Variants in NPR2 observed in about 807,000 individuals in gnomAD.
The protein encoded by NPR2 is atrial natriuretic peptide receptor 2.
NPR2 carries 49 observed loss-of-function variants against 120.7 expected under a neutral mutation model. The observed-to-expected ratio is 0.41, with a 90% CI of 0.32 to 0.52. The LOEUF is 0.52. Ranked by LOEUF, NPR2 falls within the 20% of genes least tolerant of loss-of-function variation. The pLI, the probability that NPR2 is intolerant of heterozygous loss-of-function variation, is 0.36. For missense variants in NPR2, 931 were observed against 1,362.9 expected, an observed-to-expected ratio of 0.68 and a Z score of 4.99; for synonymous variants, 484 against 519.8, an observed-to-expected ratio of 0.93 and a Z score of 0.94.
chr9:35,792,991 A>G lies in NPR2; in HGVS notation c.583A>G (p.Asn195Asp). Reference sequence around the variant, plus strand: ...CGTCTTTGAGGCCCTGCAGGGCAGCAACCTCAGTGTGCAGCACCAGGTGTA... The same window carrying G: ...CGTCTTTGAGGCCCTGCAGGGCAGCGACCTCAGTGTGCAGCACCAGGTGTA... The part of the protein sequence containing the change: ...EGVFEALQGS[N>D]LSVQHQVYAR... The change falls in exon 1 of 22, where the codon AAC becomes GAC. Residue 195 changes from asparagine (N) to aspartate (D), a missense_variant. Coordinates refer to ENST00000342694, the MANE Select transcript of NPR2 (RefSeq NM_003995.4). The G allele has an allele frequency of 6.2e-7, 1 of 1,613,602 alleles. No individual in the cohort carries two copies. The highest frequency in any genetic ancestry group is 8.5e-7 in the Non-Finnish European group (1 of 1,179,990).
rs1292104810 is a variant in NPR2, at chr9:35,806,270, TAGA to T, written c.2372+41_2372+43del. On this transcript the variant is annotated intron_variant, in intron 15 of 21. Transcript: ENST00000342694. The surrounding 1 kb of genome is among the most constrained non-coding windows in gnomAD (Gnocchi z 4.6). ...TTATGGGGCAGGGGCTTCCCAGGGA[TAGA>T]AGACTCATTAGTCCTAGTGCATGAA... 1.9e-6 allele frequency: 3 copies of T among 1,613,462 alleles called. No individual in the cohort carries two copies. The highest frequency in any genetic ancestry group is 1.3e-5 in the African/African-American group (1 of 74,882).
In NPR2 at chr9:35,802,297, G is replaced by A. The variant is rs1365254965; in HGVS notation, c.1710+14G>A. The A allele has an allele frequency of 4.0e-6, 6 of 1,484,610 alleles. No homozygotes were observed. The highest frequency in any genetic ancestry group is 3.4e-4 in the Middle Eastern group (2 of 5,812). The allele number at this position is 1,484,610 out of a possible 1,614,324, so 92.0% of individuals were successfully genotyped here. A position where few individuals can be genotyped will look rare whatever the true frequency, so the allele number is the denominator to read the frequency against. The stretch of plus-strand genomic sequence containing the variant: ...GAACTCAAACATGTATGTAACAGAG[G>A]ATGGACTCTAACATGTATGTAATGG... On this transcript the variant is annotated intron_variant, in intron 10 of 21. Transcript: ENST00000342694. The surrounding 1 kb of genome is among the most constrained non-coding windows in gnomAD (Gnocchi z 4.2).
Position 35,803,287 on chromosome 9 carries a change from G to A in NPR2, c.1887+484G>A, listed in dbSNP as rs1022883203. Among the ~76,000 whole-genome samples, 4 of 116,900 alleles carry A rather than the reference G, an allele frequency of 3.4e-5. 1 individual carries two copies. The highest frequency in any genetic ancestry group is 1.6e-4 in the African/African-American group (4 of 24,364). 76.7% of individuals were successfully genotyped at this position (116,900 alleles called of 152,430 possible). ...CCCGGCTAATTTTTTTGTATTTTTA[G>A]TAGAGACGGGGTTTCACCGTTTTAG... is the stretch of plus-strand genomic sequence containing the variant. On this transcript the variant is annotated intron_variant, in intron 12 of 21. Coordinates refer to ENST00000342694, the MANE Select transcript of NPR2 (RefSeq NM_003995.4).
chr9:35,795,025 G>A (rs1002631604), intron 2 of NPR2, among the ~76,000 whole-genome samples: 2 of 152,168 alleles, frequency 1.3e-5, no homozygotes, highest in Admixed American at 6.5e-5. Flanking sequence ...AATTTGTGGG[G>A]AATGTTGGCA....
intron 2 of NPR2, among the ~76,000 whole-genome samples, chr9:35,799,308 G>T (rs555063014): frequency 6.6e-6 from 1 of 152,070 alleles, no homozygotes; most frequent in East Asian, 1.9e-4. Context: ...GTTGGGCTGG[G>T]CTTTGGGGAT....
Position 35,802,111 on chromosome 9 carries a change from C to G in NPR2, c.1633-95C>G. ...CTCATACCCGACTCTCTGTGCCCAG[C>G]TGAGCTCCTGGGTGCTTCCACTGCT... On this transcript the variant is annotated intron_variant, in intron 9 of 21. Coordinates refer to ENST00000342694, the MANE Select transcript of NPR2 (RefSeq NM_003995.4). This position sits in a 1 kb window ranked among gnomAD's most constrained non-coding sequence, Gnocchi z 4.2. The G allele has an allele frequency of 7.6e-7, 1 of 1,316,954 alleles. No individual in the cohort carries two copies. The highest frequency in any genetic ancestry group is 1.1e-6 in the Non-Finnish European group (1 of 908,788). 81.6% of individuals were successfully genotyped at this position (1,316,954 alleles called of 1,614,324 possible). A position where few individuals can be genotyped will look rare whatever the true frequency, so the allele number is the denominator to read the frequency against.
At chr9:35,794,616 A>T (rs943329916) in intron 2 of NPR2, among the ~76,000 whole-genome samples, 1 of 152,214 alleles carries the variant, frequency 6.6e-6, no homozygotes, top group South Asian at 2.1e-4. Flanking sequence ...GATAGATGTC[A>T]TATTCATAGT....
Position 35,803,305 on chromosome 9 carries a change from C to T in NPR2, c.1887+502C>T, listed in dbSNP as rs1317393850. ...ATTTTTAGTAGAGACGGGGTTTCAC[C>T]GTTTTAGCCGGGATGGTCTCGATCT... On this transcript the variant is annotated intron_variant, in intron 12 of 21. Transcript: ENST00000342694. Among the ~76,000 whole-genome samples, 35 of 90,434 alleles carry T rather than the reference C, an allele frequency of 3.9e-4. 6 individuals are homozygous for T. The highest frequency in any genetic ancestry group is 3.6e-3 in the Admixed American group (35 of 9,594). The allele number at this position is 90,434 out of a possible 152,430, so 59.3% of individuals were successfully genotyped here. A position where few individuals can be genotyped will look rare whatever the true frequency, so the allele number is the denominator to read the frequency against.
Position 35,802,888 on chromosome 9 carries a change from T to C in NPR2, c.1887+85T>C. On this transcript the variant is annotated intron_variant, in intron 12 of 21. Transcript: ENST00000342694. The surrounding 1 kb of genome is among the most constrained non-coding windows in gnomAD (Gnocchi z 4.2). Reference sequence around the variant, plus strand: ...ATTGTGGTTTTTCTCCTTCTAGTCCTCTGAAGTCCTGTTCTCTCATCTCCC... The same window carrying C: ...ATTGTGGTTTTTCTCCTTCTAGTCCCCTGAAGTCCTGTTCTCTCATCTCCC... 1 of 909,468 alleles carries C rather than the reference T, an allele frequency of 1.1e-6. No individual in the cohort carries two copies. Among genetic ancestry groups the C allele is most frequent in the Non-Finnish European group, 1.8e-6 (1 of 540,944 alleles). 56.3% of individuals were successfully genotyped at this position (909,468 alleles called of 1,614,324 possible). A position where few individuals can be genotyped will look rare whatever the true frequency, so the allele number is the denominator to read the frequency against.
chr9:35,805,984 A>G lies in NPR2; in HGVS notation c.2202A>G (p.Lys734=). The part of the protein sequence containing the change: ...FYLEGLDLSP[K]EIVQKVRNGQ... ...TGGAGGGCCTGGACCTCAGCCCCAA[A>G]GGTAAGAGTCAATCCACTACCCACA... The change falls in exon 14 of 22, where the codon AAA becomes AAG. Residue 734 remains lysine, a splice_region_variant and synonymous_variant. Transcript: ENST00000342694. The surrounding 1 kb of genome is among the most constrained non-coding windows in gnomAD (Gnocchi z 4.9). 4.3e-6 allele frequency: 7 copies of G among 1,614,190 alleles called. No homozygotes were observed. The highest frequency in any genetic ancestry group is 5.9e-6 in the Non-Finnish European group (7 of 1,180,032).
chr9:35,799,135 A>G (rs1277180002), intron 2 of NPR2, among the ~76,000 whole-genome samples: 1 of 152,178 alleles, frequency 6.6e-6, no homozygotes, highest in Non-Finnish European at 1.5e-5. Flanking sequence ...CAATGTTAGT[A>G]TTTTACTGAT....
At position 35,793,039 on chromosome 9, in the gene NPR2, G is replaced by A. The variant is rs201027721; in HGVS notation, c.631G>A (p.Glu211Lys). Reference protein sequence around the residue: ...QVYAREPGGPEQATHFIRANG... With the variant: ...QVYAREPGGPKQATHFIRANG... ...GTATGCCCGAGAGCCAGGGGGCCCC[G>A]AGCAGGCCACCCACTTCATCCGGGC... is the stretch of plus-strand genomic sequence containing the variant. Residue 211 changes from glutamate (E) to lysine (K), a missense_variant, in exon 1 of 22, where the codon GAG becomes AAG. By Grantham distance (56) the Glu-to-Lys change is moderately conservative (BLOSUM62 1). Around this residue, in one of 3 missense-constraint regions of NPR2, gnomAD observed 681 missense variants for 974.3 expected, o/e 0.70. Transcript: ENST00000342694. 40 of 1,605,356 alleles carry A rather than the reference G, an allele frequency of 2.5e-5. No homozygotes were observed. Among genetic ancestry groups the A allele is most frequent in the South Asian group, 6.6e-5 (6 of 90,874 alleles).
rs773745855 is a variant in NPR2, at chr9:35,800,533, T to C, written c.1218+50T>C. ...AGAGTGTGGCCCTGCAAAATCCAGC[T>C]TTCAAGGGTTCAGTCGGGGCAGAAC... On this transcript the variant is annotated intron_variant, in intron 5 of 21. Transcript: ENST00000342694. This position sits in a 1 kb window ranked among gnomAD's most constrained non-coding sequence, Gnocchi z 4.7. The C allele has an allele frequency of 5.0e-6, 8 of 1,586,030 alleles. No individual in the cohort carries two copies. Among genetic ancestry groups the C allele is most frequent in the Non-Finnish European group, 6.9e-6 (8 of 1,154,908 alleles).
In NPR2 at chr9:35,800,063, A is replaced by T. The variant is rs761205421; in HGVS notation, c.1029A>T (p.Leu343=). The change falls in exon 4 of 22, where the codon CTA becomes CTT. Residue 343 remains leucine, a synonymous_variant. Transcript: ENST00000342694. The surrounding 1 kb of genome is among the most constrained non-coding windows in gnomAD (Gnocchi z 4.7). ...GCTGCTTCTATGATGGGATCCTGCT[A>T]TATGCTGAAGTCCTGAATGAGACAA... ...IAGCFYDGIL[L]YAEVLNETIQ... 1 of 1,614,172 alleles carries T rather than the reference A, an allele frequency of 6.2e-7. No homozygotes were observed.
chr9:35,804,501 G>C (rs1828290849), intron 12 of NPR2, among the ~76,000 whole-genome samples: 1 of 152,166 alleles, frequency 6.6e-6, no homozygotes, highest in Non-Finnish European at 1.5e-5. Flanking sequence ...CCAAAGTGCT[G>C]GGATTACAGG....
In NPR2 at chr9:35,800,486, G is replaced by A. The variant is rs755393572; in HGVS notation, c.1218+3G>A. 52 of 1,610,770 alleles carry A rather than the reference G, an allele frequency of 3.2e-5. No homozygotes were observed. Among genetic ancestry groups the A allele is most frequent in the Non-Finnish European group, 4.2e-5 (50 of 1,176,948 alleles). ...ACCTGGATTCTGGGGACTTTCAGGT[G>A]ATGGAGGAGGAGGCAGGGAAGAGAG... On this transcript the variant is annotated splice_donor_region_variant and intron_variant, in intron 5 of 21. Transcript: ENST00000342694. This position sits in a 1 kb window ranked among gnomAD's most constrained non-coding sequence, Gnocchi z 4.7.
At chr9:35,799,089 C>T (rs1336480684) in intron 2 of NPR2, among the ~76,000 whole-genome samples, 1 of 152,220 alleles carries the variant, frequency 6.6e-6, no homozygotes, top group East Asian at 1.9e-4. Context: ...CTCTAATTCA[C>T]TGGGCGGAGA....
chr9:35,798,815 A>G (rs371500080), intron 2 of NPR2, among the ~76,000 whole-genome samples: 1 of 152,204 alleles, frequency 6.6e-6, no homozygotes, highest in Non-Finnish European at 1.5e-5. Flanking sequence ...CCAAGCAGGC[A>G]CTTTGGTGAG....
Position 35,806,019 on chromosome 9 carries a change from T to C in NPR2, c.2203+34T>C. 2 of 1,614,150 alleles carry C rather than the reference T, an allele frequency of 1.2e-6. No individual in the cohort carries two copies. The highest frequency in any genetic ancestry group is 1.7e-6 in the Non-Finnish European group (2 of 1,180,012). On this transcript the variant is annotated intron_variant, in intron 14 of 21. Coordinates refer to ENST00000342694, the MANE Select transcript of NPR2 (RefSeq NM_003995.4). This position sits in a 1 kb window ranked among gnomAD's most constrained non-coding sequence, Gnocchi z 4.6. Reference sequence around the variant, plus strand: ...CAATCCACTACCCACAGCCTCTTCTTCCTGGGGGAACTCTGTTCTTCATCC... The same window carrying C: ...CAATCCACTACCCACAGCCTCTTCTCCCTGGGGGAACTCTGTTCTTCATCC...
Sources: gnomAD v4.1 joint callset for allele counts (sites outside exome capture counted in the v4.1 genomes callset) on GRCh38, gnomAD v4.1.1 for gene constraint, gnomAD v4.1.1 regional missense constraint, Gnocchi (gnomAD v3.1) non-coding constraint, MANE v1.5 for transcripts, NCBI Gene and HGNC (gene_info 2026-07-23, HGNC 2026-07-21) for gene names.